The following USP39 variants were observed in gnomAD, a reference collection of about 807,000 sequenced individuals.
The protein encoded by USP39 is ubiquitin specific peptidase 39, also known as ubiquitin carboxyl-terminal hydrolase 39.
In USP39, 38 loss-of-function variants were observed where a neutral mutation model predicts 66.4. The observed-to-expected ratio is 0.57, with a 90% CI of 0.44 to 0.75. The LOEUF (loss-of-function observed/expected upper bound fraction) is 0.75, where lower values mean the gene tolerates loss of function less well. Ranked by LOEUF, USP39 falls within the 30% of genes least tolerant of loss-of-function variation. The pLI, the probability that USP39 is intolerant of heterozygous loss-of-function variation, is 0.00. For missense variants in USP39, 608 were observed against 714.4 expected, an observed-to-expected ratio of 0.85 and a Z score of 1.70; for synonymous variants, 303 against 274.6, an observed-to-expected ratio of 1.10 and a Z score of -1.02.
chr2:85,613,983 G>A (rs1454629911), upstream of USP39, among the ~76,000 whole-genome samples: 1 of 151,780 alleles, frequency 6.6e-6, no homozygotes, highest in African/African-American at 2.4e-5. Flanking sequence ...GCCAAGGCTA[G>A]TCTTGAACTC....
Position 85,648,816 on chromosome 2 carries a change from G to T in USP39, c.*8G>T. ...AACCAGCAGGGGGCTTGAAGGAGGC[G>T]TCTAGGGCTTTGCTCCCAAGGGCTG... On this transcript the variant is annotated 3_prime_UTR_variant, in exon 13 of 13. Transcript: ENST00000323701. The T allele has an allele frequency of 6.2e-7, 1 of 1,614,064 alleles. No individual in the cohort carries two copies. Among genetic ancestry groups the T allele is most frequent in the Non-Finnish European group, 8.5e-7 (1 of 1,179,980 alleles).
At chr2:85,635,217 C>G (rs962531022) in intron 6 of USP39, among the ~76,000 whole-genome samples, 2 of 152,088 alleles carry the variant, frequency 1.3e-5, no homozygotes, top group Non-Finnish European at 2.9e-5. Context: ...ATTTTAATTG[C>G]GTGAGCAAAG....
intron 1 of USP39, among the ~76,000 whole-genome samples, chr2:85,604,136 C>T (rs181956602): frequency 5.3e-5 from 8 of 152,298 alleles, no homozygotes; most frequent in Non-Finnish European, 1.2e-4. Flanking sequence ...GCAGAATAAA[C>T]TGCACAATGA....
Position 85,630,936 on chromosome 2 carries a change from C to T in USP39, c.939C>T (p.Ile313=). Residue 313 remains isoleucine, a synonymous_variant, in exon 6 of 13, where the codon ATC becomes ATT. Coordinates refer to ENST00000323701, the MANE Select transcript of USP39 (RefSeq NM_006590.4). The part of the protein sequence containing the change: ...VVLCSKKTFQ[I]TKQGDGVDFL... ...TTTGCAGTAAGAAGACTTTTCAGATCACCAAACAAGGTAAGAACAAGTCAT... is the reference window on the plus strand; with the variant it reads ...TTTGCAGTAAGAAGACTTTTCAGATTACCAAACAAGGTAAGAACAAGTCAT... 2 of 1,613,942 alleles carry T rather than the reference C, an allele frequency of 1.2e-6. No homozygotes were observed. Among genetic ancestry groups the T allele is most frequent in the Non-Finnish European group, 1.7e-6 (2 of 1,179,932 alleles).
intron 10 of USP39, among the ~76,000 whole-genome samples, chr2:85,644,732 T>A (rs1676512357): frequency 6.6e-6 from 1 of 152,132 alleles, no homozygotes; most frequent in Non-Finnish European, 1.5e-5. Context: ...TCTTTTTTTT[T>A]TTTTTAAATC....
chr2:85,626,818 A>G (rs1325679358), intron 5 of USP39, among the ~76,000 whole-genome samples: 2 of 152,040 alleles, frequency 1.3e-5, no homozygotes, highest in Admixed American at 1.3e-4. Context: ...CCCAGGTTCA[A>G]GCGATTCTCC....
intron 9 of USP39, chr2:85,639,699 C>T (rs1016095616): frequency 4.9e-5 from 10 of 204,924 alleles, no homozygotes; most frequent in East Asian, 2.5e-4. Flanking sequence ...CAGCCTGCCT[C>T]GCCTCCCAAA....
chr2:85,621,875 G>GAGTCCCGTTA (rs58612657), intron 3 of USP39, among the ~76,000 whole-genome samples: 2 of 151,574 alleles, frequency 1.3e-5, no homozygotes, highest in African/African-American at 2.4e-5. Flanking sequence ...TTTTGAGACA[G>GAGTCCCGTTA]TGTTGCCCAG....
At chr2:85,640,424 G>T (rs895227057) in intron 9 of USP39, among the ~76,000 whole-genome samples, 3 of 151,722 alleles carry the variant, frequency 2.0e-5, no homozygotes, top group Non-Finnish European at 4.4e-5. Context: ...GAGTAGCTGG[G>T]ACTACAGGTA....
At position 85,625,410 on chromosome 2, in the gene USP39, C is replaced by T. The variant is rs550037094; in HGVS notation, c.571-129C>T. On this transcript the variant is annotated intron_variant, in intron 4 of 12. Coordinates refer to ENST00000323701, the MANE Select transcript of USP39 (RefSeq NM_006590.4). Reference sequence around the variant, plus strand: ...ACTTCAATCTTTACACCTACTGGTTCGGACTATTTTTCTGTGTGTGGTGGG... The same window carrying T: ...ACTTCAATCTTTACACCTACTGGTTTGGACTATTTTTCTGTGTGTGGTGGG... 14 of 1,181,490 alleles carry T rather than the reference C, an allele frequency of 1.2e-5. No homozygotes were observed. The East Asian group carries it at 2.6e-4, about 22-fold the overall frequency. 73.2% of individuals were successfully genotyped at this position (1,181,490 alleles called of 1,614,324 possible).
intron 1 of USP39, among the ~76,000 whole-genome samples, chr2:85,604,093 AAAC>A (rs928513265): frequency 6.6e-6 from 1 of 152,186 alleles, no homozygotes; most frequent in African/African-American, 2.4e-5. Flanking sequence ...AGGCTATGTG[AAAC>A]AACAGGGTCC....
chr2:85,637,391 G>C lies in USP39; in HGVS notation c.1050G>C (p.Gln350His). The C allele has an allele frequency of 1.9e-6, 3 of 1,614,178 alleles. No individual in the cohort carries two copies. The highest frequency in any genetic ancestry group is 2.5e-6 in the Non-Finnish European group (3 of 1,180,038). The change falls in exon 8 of 13, where the codon CAG becomes CAC. Residue 350 changes from glutamine (Q) to histidine (H), a missense_variant. By Grantham distance (24) the Gln-to-His change is conservative. Around this residue, in one of 6 missense-constraint regions of USP39, gnomAD observed 72 missense variants for 60.1 expected, o/e 1.20. Transcript: ENST00000323701. ...CAGCTATTGTGACTGATGTTTTCCAGGGGTCCATGAGGATCTTCACTAAAA... is the reference window on the plus strand; with the variant it reads ...CAGCTATTGTGACTGATGTTTTCCACGGGTCCATGAGGATCTTCACTAAAA... ...KKKTIVTDVFQGSMRIFTKKL... is the reference protein window; with the variant it reads ...KKKTIVTDVFHGSMRIFTKKL...
chr2:85,639,428 C>T (rs1413747319), intron 9 of USP39, 37 bp downstream of exon 9: 2 of 1,536,850 alleles, frequency 1.3e-6, no homozygotes, highest in South Asian at 1.2e-5. Context: ...CTATACTTAC[C>T]CTCGCTCTCT....
chr2:85,612,430 A>G, upstream of USP39: 1 of 1,440,492 alleles, frequency 6.9e-7, no homozygotes, highest in Non-Finnish European at 9.4e-7. Context: ...GCCACTTCTC[A>G]GTTTCCTCAT....
chr2:85,621,781 A>T (rs554932389), intron 3 of USP39, among the ~76,000 whole-genome samples: 1 of 152,328 alleles, frequency 6.6e-6, no homozygotes, highest in South Asian at 2.1e-4. Context: ...AGAGCTAGTC[A>T]TATGAAAGAC....
At chr2:85,617,256 C>CCTT (rs567268048) in intron 1 of USP39, among the ~76,000 whole-genome samples, 32 of 152,028 alleles carry the variant, frequency 2.1e-4, no homozygotes, top group Non-Finnish European at 3.5e-4. Context: ...GCACGGCTTT[C>CCTT]CTTCAGTTTT....
chr2:85,619,222 A>G lies in USP39; in HGVS notation c.271A>G (p.Lys91Glu), dbSNP rs144774521. 4.0e-5 allele frequency: 65 copies of G among 1,613,814 alleles called. No individual in the cohort carries two copies. The highest frequency in any genetic ancestry group is 5.3e-5 in the Non-Finnish European group (62 of 1,179,990). Residue 91 changes from lysine to glutamate, a missense_variant and splice_region_variant, in exon 2 of 13, where the codon AAG becomes GAG. Physicochemically the swap from Lys to Glu is moderately conservative, Grantham distance 56. Transcript: ENST00000323701. The part of the protein sequence containing the change: ...DSEPEREVRA[K>E]NGRVDSEDRR... ...GCCTGTGATGATTTTCCTTTCAGCAAAGAATGGCCGAGTGGATTCTGAGGA... is the reference window on the plus strand; with the variant it reads ...GCCTGTGATGATTTTCCTTTCAGCAGAGAATGGCCGAGTGGATTCTGAGGA...
chr2:85,637,167 G>T (rs886600007), intron 7 of USP39, among the ~76,000 whole-genome samples: 2 of 152,100 alleles, frequency 1.3e-5, no homozygotes, highest in African/African-American at 2.4e-5. Flanking sequence ...TGTCTTAAGA[G>T]AAATAAAGTA....
At chr2:85,631,600 G>A (rs1675343852) in intron 6 of USP39, among the ~76,000 whole-genome samples, 1 of 152,100 alleles carries the variant, frequency 6.6e-6, no homozygotes, top group Non-Finnish European at 1.5e-5. Context: ...TAGAAAGTCG[G>A]TCTTATTTGG....
Sources: gnomAD v4.1 joint callset for allele counts (sites outside exome capture counted in the v4.1 genomes callset) on GRCh38, gnomAD v4.1.1 for gene constraint, gnomAD v4.1.1 regional missense constraint, MANE v1.5 for transcripts, NCBI Gene and HGNC (gene_info 2026-07-23, HGNC 2026-07-21) for gene names.